KIAA1217: variants seen among roughly 807,000 people sequenced by gnomAD.
KIAA1217 encodes the protein sickle tail protein homolog.
Under a neutral mutation model 163.9 loss-of-function variants are expected in KIAA1217, and 88 were observed. That is an observed-to-expected ratio of 0.54 (90% confidence interval 0.45 to 0.64). The LOEUF (loss-of-function observed/expected upper bound fraction) is 0.64. Ranked by LOEUF, KIAA1217 falls within the 30% of genes least tolerant of loss-of-function variation. The pLI is 0.00. For missense variants in KIAA1217, 2,372 were observed against 2,475.0 expected, an observed-to-expected ratio of 0.96 and a Z score of 0.88; for synonymous variants, 903 against 923.1, an observed-to-expected ratio of 0.98 and a Z score of 0.39.
intron 2 of KIAA1217, among the ~76,000 whole-genome samples, chr10:24,350,831 A>G (rs979673561): frequency 2.0e-5 from 3 of 150,984 alleles, no homozygotes; most frequent in African/African-American, 2.4e-5. Flanking sequence ...GAGTGAGAGA[A>G]AAAAAAAAAA....
At chr10:24,429,955 C>T (rs1451384848) in intron 3 of KIAA1217, among the ~76,000 whole-genome samples, 1 of 152,026 alleles carries the variant, frequency 6.6e-6, no homozygotes, top group Non-Finnish European at 1.5e-5. Flanking sequence ...CCAGCCTAGG[C>T]AACATGGCAA....
chr10:24,258,717 C>G (rs186996710), intron 2 of KIAA1217, among the ~76,000 whole-genome samples: 5 of 152,160 alleles, frequency 3.3e-5, no homozygotes, highest in Admixed American at 3.3e-4. Flanking sequence ...CTCACCCTCT[C>G]AAGTAGCTGG....
At chr10:23,719,591 TAAATA>T (rs893700046) in intron 1 of KIAA1217, among the ~76,000 whole-genome samples, 1 of 140,290 alleles carries the variant, frequency 7.1e-6, no homozygotes, top group African/African-American at 2.9e-5. Flanking sequence ...CAAAAATAAA[TAAATA>T]AATAAATAAA....
chr10:23,821,103 G>A (rs1225268571), intron 1 of KIAA1217, among the ~76,000 whole-genome samples: 2 of 130,860 alleles, frequency 1.5e-5, no homozygotes, highest in Non-Finnish European at 3.2e-5. Context: ...CTGTGTGTGT[G>A]CGTGTGTGTG....
At chr10:24,254,942 C>G (rs1390869201) in intron 2 of KIAA1217, among the ~76,000 whole-genome samples, 1 of 151,982 alleles carries the variant, frequency 6.6e-6, no homozygotes, top group Non-Finnish European at 1.5e-5. Context: ...CAACCTCTGC[C>G]TCCTGGGTTC....
chr10:23,738,950 A>T (rs1245356365), intron 1 of KIAA1217, among the ~76,000 whole-genome samples: 12 of 152,254 alleles, frequency 7.9e-5, no homozygotes. Flanking sequence ...AAAGTAAAGT[A>T]GGGAAAGGAG....
chr10:23,804,750 G>A (rs577510578), intron 1 of KIAA1217, among the ~76,000 whole-genome samples: 12 of 152,216 alleles, frequency 7.9e-5, no homozygotes, highest in African/African-American at 1.9e-4. Context: ...AATAGCCAGC[G>A]TGAATGAAAG....
chr10:23,951,808 C>T (rs1454425710), intron 1 of KIAA1217, among the ~76,000 whole-genome samples: 1 of 152,154 alleles, frequency 6.6e-6, no homozygotes, highest in Non-Finnish European at 1.5e-5. Context: ...AAAATGGTGA[C>T]TGTTTAATTC....
rs772989911 is a variant in KIAA1217, at chr10:24,545,115, T to G, written c.5334+12T>G. On this transcript the variant is annotated intron_variant, in intron 20 of 20. Transcript: ENST00000376454. The stretch of plus-strand genomic sequence containing the variant: ...GCCAATATCGTCAGGTAGTTTTACC[T>G]TAAACCCACTTTTGGATGGACGCTA... The G allele has an allele frequency of 2.5e-6, 4 of 1,614,148 alleles. No homozygotes were observed. The highest frequency in any genetic ancestry group is 3.4e-6 in the Non-Finnish European group (4 of 1,180,000).
At chr10:23,899,917 T>C (rs1009385845) in intron 1 of KIAA1217, among the ~76,000 whole-genome samples, 2 of 152,054 alleles carry the variant, frequency 1.3e-5, no homozygotes, top group African/African-American at 4.8e-5. Flanking sequence ...TTTCCCTCTT[T>C]CTTTTCTTTC....
Position 24,361,867 on chromosome 10 carries a change from C to T in KIAA1217, c.355-19002C>T, listed in dbSNP as rs568956176. Among the ~76,000 whole-genome samples, 29 of 150,950 alleles carry T rather than the reference C, an allele frequency of 1.9e-4. No individual in the cohort carries two copies. In the South Asian group the frequency reaches 5.2e-3, roughly 27 times the overall value. On this transcript the variant is annotated intron_variant, in intron 2 of 20. Coordinates refer to ENST00000376454, the MANE Select transcript of KIAA1217 (RefSeq NM_019590.5). ...GCGGGCGCCTGTAGTCCCAGCTACT[C>T]GGAAGGCTGAGGCAGGAGAATGGCG...
At chr10:23,727,596 C>T (rs1838241164) in intron 1 of KIAA1217, among the ~76,000 whole-genome samples, 2 of 152,096 alleles carry the variant, frequency 1.3e-5, no homozygotes, top group Admixed American at 1.3e-4. Flanking sequence ...GATGCACATA[C>T]ATAGTTATAT....
intron 1 of KIAA1217, among the ~76,000 whole-genome samples, chr10:23,907,292 T>TGGGTGTGTGTGTG (rs1554822036): frequency 6.9e-6 from 1 of 145,762 alleles, no homozygotes; most frequent in Admixed American, 6.9e-5. Context: ...CCAATATGAT[T>TGGGTGTGTGTGTG]TGTGTGTGTG....
At chr10:24,228,117 A>G (rs1192836637) in intron 2 of KIAA1217, among the ~76,000 whole-genome samples, 2 of 152,040 alleles carry the variant, frequency 1.3e-5, no homozygotes, top group African/African-American at 4.8e-5. Context: ...TCTACAAAAA[A>G]TACAAAAATT....
At chr10:24,293,659 T>A (rs1269861841) in intron 2 of KIAA1217, among the ~76,000 whole-genome samples, 9 of 152,226 alleles carry the variant, frequency 5.9e-5, no homozygotes, top group Admixed American at 3.9e-4. Context: ...GGATGTCTTG[T>A]GTCTGTGCTT....
intron 1 of KIAA1217, among the ~76,000 whole-genome samples, chr10:23,868,208 C>A (rs148455278): frequency 4.5e-4 from 68 of 152,132 alleles, no homozygotes; most frequent in African/African-American, 1.6e-3. Context: ...GCTTTTTACC[C>A]CTTCTCAACC....
At chr10:24,105,449 A>G (rs1398442862) in intron 2 of KIAA1217, among the ~76,000 whole-genome samples, 1 of 152,200 alleles carries the variant, frequency 6.6e-6, no homozygotes, top group Non-Finnish European at 1.5e-5. Flanking sequence ...CATTCAGCCC[A>G]TCTCACAGGC....
chr10:24,164,365 C>A (rs2065249070), intron 2 of KIAA1217, among the ~76,000 whole-genome samples: 1 of 152,212 alleles, frequency 6.6e-6, no homozygotes, highest in Non-Finnish European at 1.5e-5. Flanking sequence ...TACAGGCATT[C>A]TCTACCACAC....
chr10:23,950,689 C>T (rs547390388), intron 1 of KIAA1217, among the ~76,000 whole-genome samples: 1 of 152,094 alleles, frequency 6.6e-6, no homozygotes, highest in Non-Finnish European at 1.5e-5. Flanking sequence ...TGACCCTGGG[C>T]TCAAAACTAT....
Sources: allele counts gnomAD v4.1 joint callset (sites outside exome capture counted in the v4.1 genomes callset), GRCh38; gene constraint gnomAD v4.1.1; transcripts MANE v1.5; gene names NCBI Gene and HGNC (gene_info 2026-07-23, HGNC 2026-07-21).